The following RSRC1 variants were observed in gnomAD, a reference collection of about 807,000 sequenced individuals.
The protein encoded by RSRC1 is serine/Arginine-related protein 53.
A neutral mutation model predicts 49.1 loss-of-function variants in RSRC1; 39 were observed. The observed-to-expected ratio is 0.79, with a 90% CI of 0.61 to 1.04. RSRC1 has a LOEUF of 1.04. Ranked by LOEUF, RSRC1 falls within the 50% of genes least tolerant of loss-of-function variation. RSRC1 has a pLI of 0.00. For synonymous variants in RSRC1, 143 were observed against 130.8 expected (o/e 1.09, Z -0.63); for missense variants, 388 against 402.4 (o/e 0.96, Z 0.31).
intron 6 of RSRC1, among the ~76,000 whole-genome samples, chr3:158,431,454 C>A (rs1735768207): frequency 6.6e-6 from 1 of 151,720 alleles, no homozygotes; most frequent in East Asian, 1.9e-4. Flanking sequence ...AGAAAGTTTT[C>A]TTTTCATTTA....
At chr3:158,111,532 G>A (rs1258730392) in intron 1 of RSRC1, among the ~76,000 whole-genome samples, 1 of 152,194 alleles carries the variant, frequency 6.6e-6, no homozygotes, top group African/African-American at 2.4e-5. Flanking sequence ...TAAAAAGAGA[G>A]ATGCTTGCAA....
At chr3:158,147,102 CTTTTTTTTTTTTTT>C (rs35460810) in intron 3 of RSRC1, among the ~76,000 whole-genome samples, 1 of 34,732 alleles carries the variant, frequency 2.9e-5, no homozygotes, top group Non-Finnish European at 4.5e-5. Context: ...GCTTTTCTGC[CTTTTTTTTTTTTTT>C]TTTTTTTTTT....
At chr3:158,374,126 G>A (rs1028676240) in intron 6 of RSRC1, among the ~76,000 whole-genome samples, 4 of 151,968 alleles carry the variant, frequency 2.6e-5, no homozygotes, top group Non-Finnish European at 5.9e-5. Context: ...GAATACAAGG[G>A]GGAAAGCTGA....
At chr3:158,146,627 G>A (rs1458902064) in intron 3 of RSRC1, among the ~76,000 whole-genome samples, 4 of 152,142 alleles carry the variant, frequency 2.6e-5, no homozygotes, top group Non-Finnish European at 5.9e-5. Flanking sequence ...TTGGTATCAG[G>A]ATGATGCTGG....
At chr3:158,475,810 A>T (rs181063800) in intron 7 of RSRC1, among the ~76,000 whole-genome samples, 1 of 152,196 alleles carries the variant, frequency 6.6e-6, no homozygotes, top group Non-Finnish European at 1.5e-5. Flanking sequence ...TAATAACCTT[A>T]CAGTGGCCTC....
At chr3:158,128,480 C>T (rs1715780032) in intron 3 of RSRC1, among the ~76,000 whole-genome samples, 1 of 152,146 alleles carries the variant, frequency 6.6e-6, no homozygotes, top group African/African-American at 2.4e-5. Flanking sequence ...TTGCCATCAT[C>T]ATTCTCAAGT....
At chr3:158,246,055 G>A (rs114444786) in intron 4 of RSRC1, among the ~76,000 whole-genome samples, 4,153 of 151,830 alleles carry the variant, frequency 0.027, 166 homozygotes, top group African/African-American at 0.096. Context: ...AGCATTGTTC[G>A]CCCACTTGCC....
In RSRC1 at chr3:158,196,528, T is replaced by C. The variant is rs12053974; in HGVS notation, c.321-6544T>C. ...GCCTGATTGCCCTGGCCAGAACTTC[T>C]AACACTATGTTGAATAGGAGTGGTG... On this transcript the variant is annotated intron_variant, in intron 3 of 9. Coordinates refer to ENST00000611884, the MANE Select transcript of RSRC1 (RefSeq NM_001271838.2). Among the ~76,000 whole-genome samples the C allele has an allele frequency of 1.6e-3, 250 of 152,082 alleles. 3 individuals carry two copies. The East Asian group carries it at 0.033, about 20-fold the overall frequency.
intron 3 of RSRC1, among the ~76,000 whole-genome samples, chr3:158,159,975 A>G (rs1383748636): frequency 6.6e-6 from 1 of 152,146 alleles, no homozygotes; most frequent in Non-Finnish European, 1.5e-5. Flanking sequence ...TGAAGCTTTT[A>G]TCTCTCTATT....
chr3:158,229,284 A>G (rs865835410), intron 4 of RSRC1, among the ~76,000 whole-genome samples: 1 of 77,776 alleles, frequency 1.3e-5, no homozygotes. Context: ...GTATATAAAC[A>G]TACACACACG....
At chr3:158,254,260 T>C (rs1292137945) in intron 4 of RSRC1, among the ~76,000 whole-genome samples, 2 of 152,356 alleles carry the variant, frequency 1.3e-5, no homozygotes, top group East Asian at 3.9e-4. Flanking sequence ...GCATGATTTA[T>C]AATCCTTTGG....
chr3:158,398,508 A>T (rs562543061), intron 6 of RSRC1, among the ~76,000 whole-genome samples: 1 of 152,114 alleles, frequency 6.6e-6, no homozygotes, highest in African/African-American at 2.4e-5. Flanking sequence ...CTGATCCATA[A>T]AGGTGGATCC....
At chr3:158,527,077 CTTTTTT>C (rs543523088) in intron 7 of RSRC1, among the ~76,000 whole-genome samples, 1 of 110,178 alleles carries the variant, frequency 9.1e-6, no homozygotes, top group Admixed American at 9.8e-5. Flanking sequence ...AGTTCAAAAT[CTTTTTT>C]TTTTTTTTTT....
At chr3:158,426,404 G>T (rs1735444995) in intron 6 of RSRC1, among the ~76,000 whole-genome samples, 1 of 151,486 alleles carries the variant, frequency 6.6e-6, no homozygotes, top group South Asian at 2.1e-4. Flanking sequence ...ATGGGCTAAG[G>T]ATCATAGAAA....
At chr3:158,312,955 C>T (rs1728210786) in intron 5 of RSRC1, among the ~76,000 whole-genome samples, 1 of 152,096 alleles carries the variant, frequency 6.6e-6, no homozygotes, top group African/African-American at 2.4e-5. Flanking sequence ...TTAGAGCTCT[C>T]CTAACAGAGA....
chr3:158,450,789 C>A (rs934075611), intron 6 of RSRC1, among the ~76,000 whole-genome samples: 1 of 151,604 alleles, frequency 6.6e-6, no homozygotes. Context: ...CCTTAAACAC[C>A]GTGGCCTATT....
At chr3:158,511,632 A>G (rs935629333) in intron 7 of RSRC1, among the ~76,000 whole-genome samples, 1 of 152,216 alleles carries the variant, frequency 6.6e-6, no homozygotes, top group African/African-American at 2.4e-5. Context: ...CTTTGGCTAT[A>G]TACCCAGTAA....
At chr3:158,317,654 G>C (rs1728535546) in intron 5 of RSRC1, among the ~76,000 whole-genome samples, 1 of 152,102 alleles carries the variant, frequency 6.6e-6, no homozygotes, top group South Asian at 2.1e-4. Context: ...CAGCCCCTGG[G>C]CTCAAGCAGT....
intron 3 of RSRC1, among the ~76,000 whole-genome samples, chr3:158,177,917 A>G (rs1719333492): frequency 6.6e-6 from 1 of 152,146 alleles, no homozygotes; most frequent in East Asian, 1.9e-4. Context: ...TTGGGATTTC[A>G]TTGACTCTAC....
Sources: gnomAD v4.1 joint callset for allele counts (sites outside exome capture counted in the v4.1 genomes callset) on GRCh38, gnomAD v4.1.1 for gene constraint, MANE v1.5 for transcripts, NCBI Gene and HGNC (gene_info 2026-07-23, HGNC 2026-07-21) for gene names.